The following GRIA1 variants were observed in gnomAD, a reference collection of about 807,000 sequenced individuals.
GRIA1 encodes the protein glutamate receptor 1.
A neutral mutation model predicts 99.2 loss-of-function variants in GRIA1; 31 were observed. That is an observed-to-expected ratio of 0.31 (90% CI 0.23 to 0.42). The LOEUF is 0.42. Ranked by LOEUF, GRIA1 falls within the 10% of genes least tolerant of loss-of-function variation. GRIA1 has a pLI of 1.00. For synonymous variants in GRIA1, 438 were observed against 432.4 expected (o/e 1.01, Z -0.16); for missense variants, 782 against 1,157.5 (o/e 0.68, Z 4.71).
At chr5:153,545,428 T>C (rs1759520097) in intron 2 of GRIA1, among the ~76,000 whole-genome samples, 1 of 152,154 alleles carries the variant, frequency 6.6e-6, no homozygotes. Flanking sequence ...TTTGGGTATC[T>C]TTAAGATGGC....
intron 11 of GRIA1, among the ~76,000 whole-genome samples, chr5:153,759,186 T>C (rs747168353): frequency 6.8e-6 from 1 of 147,412 alleles, no homozygotes. Flanking sequence ...CAGAACAAAC[T>C]AAATCTCAAA....
rs1760462980 is a variant in GRIA1 at position 153,725,637 on chromosome 5, G to T, written c.1823+19570G>T. 2.0e-5 allele frequency among the ~76,000 whole-genome samples: 2 copies of T among 99,858 alleles called. 1 individual carries two copies. Among genetic ancestry groups the T allele is most frequent in the African/African-American group, 8.2e-5 (2 of 24,276 alleles). 65.5% of individuals were successfully genotyped at this position (99,858 alleles called of 152,430 possible). On this transcript the variant is annotated intron_variant, in intron 11 of 15. Transcript: ENST00000285900. ...GACTTTAAACCAACAAAGATCAAAA[G>T]AGACAAGGCCATTACATAATGGTAA...
intron 11 of GRIA1, among the ~76,000 whole-genome samples, chr5:153,737,606 A>C (rs988760518): frequency 6.6e-6 from 1 of 152,190 alleles, no homozygotes; most frequent in African/African-American, 2.4e-5. Context: ...CTGTAAAATA[A>C]TCAGGACGAA....
intron 11 of GRIA1, among the ~76,000 whole-genome samples, chr5:153,709,396 TC>T (rs1364984409): frequency 1.3e-5 from 2 of 152,240 alleles, no homozygotes; most frequent in Non-Finnish European, 2.9e-5. Context: ...TCTGCACTTA[TC>T]CACAAGTAGC....
At chr5:153,639,399 C>T (rs988991826) in intron 2 of GRIA1, among the ~76,000 whole-genome samples, 1 of 152,202 alleles carries the variant, frequency 6.6e-6, no homozygotes, top group Non-Finnish European at 1.5e-5. Context: ...TCCACATGGG[C>T]CTTCTGTTTC....
At chr5:153,661,466 G>C (rs1228226909) in intron 5 of GRIA1, among the ~76,000 whole-genome samples, 1 of 152,134 alleles carries the variant, frequency 6.6e-6, no homozygotes, top group Non-Finnish European at 1.5e-5. Flanking sequence ...ACATCTACCT[G>C]TTTTATGCTG....
intron 2 of GRIA1, among the ~76,000 whole-genome samples, chr5:153,497,602 T>C (rs573941047): frequency 2.0e-5 from 3 of 152,266 alleles, no homozygotes; most frequent in South Asian, 4.1e-4. Context: ...GGGAGCTTGT[T>C]TAAAGCAAGA....
intron 2 of GRIA1, among the ~76,000 whole-genome samples, chr5:153,606,941 T>C (rs1765490079): frequency 9.6e-6 from 1 of 104,342 alleles, no homozygotes; most frequent in Non-Finnish European, 2.0e-5. Flanking sequence ...TACAATACCC[T>C]TGTTCAATTT....
Position 153,811,532 on chromosome 5 carries a change from A to G in GRIA1, c.*307A>G. The G allele has an allele frequency of 5.9e-6, 2 of 337,386 alleles. No homozygotes were observed. The highest frequency in any genetic ancestry group is 1.1e-5 in the Non-Finnish European group (2 of 176,630). The allele number at this position is 337,386 out of a possible 1,614,324, so 20.9% of individuals were successfully genotyped here. A position where few individuals can be genotyped will look rare whatever the true frequency, so the allele number is the denominator to read the frequency against. On this transcript the variant is annotated 3_prime_UTR_variant, in exon 16 of 16. Coordinates refer to ENST00000285900, the MANE Select transcript of GRIA1 (RefSeq NM_000827.4). The stretch of plus-strand genomic sequence containing the variant: ...TGTCTCTGAGAGTAGAGTCACTGGA[A>G]CACTAATGAGGAAACTGCACTGTTT...
intron 2 of GRIA1, among the ~76,000 whole-genome samples, chr5:153,594,733 C>T (rs906519284): frequency 1.1e-4 from 16 of 152,102 alleles, no homozygotes; most frequent in African/African-American, 3.9e-4. Flanking sequence ...GTGTCCTCTC[C>T]CTTATTCTCA....
chr5:153,741,025 G>A (rs1414501599), intron 11 of GRIA1, among the ~76,000 whole-genome samples: 2 of 136,894 alleles, frequency 1.5e-5, no homozygotes, highest in African/African-American at 5.5e-5. Flanking sequence ...CGCCCAGGCT[G>A]GAGTGCAGTG....
At chr5:153,692,159 C>T (rs563854244) in intron 8 of GRIA1, among the ~76,000 whole-genome samples, 4 of 152,318 alleles carry the variant, frequency 2.6e-5, no homozygotes, top group African/African-American at 9.6e-5. Context: ...CCTTGTCATT[C>T]AGGTCTCAGT....
chr5:153,754,006 T>A (rs1762660862), intron 11 of GRIA1, among the ~76,000 whole-genome samples: 1 of 152,162 alleles, frequency 6.6e-6, no homozygotes, highest in Admixed American at 6.5e-5. Flanking sequence ...GTTTTGAAAG[T>A]GTTGGTTTCT....
At chr5:153,691,007 T>C (rs1368435322) in intron 8 of GRIA1, among the ~76,000 whole-genome samples, 1 of 152,204 alleles carries the variant, frequency 6.6e-6, no homozygotes, top group Non-Finnish European at 1.5e-5. Context: ...TCTTCCAGAT[T>C]TGGAGCCTCA....
chr5:153,641,329 G>C (rs1581386243), intron 2 of GRIA1, among the ~76,000 whole-genome samples: 1 of 152,134 alleles, frequency 6.6e-6, no homozygotes, highest in African/African-American at 2.4e-5. Flanking sequence ...TCCCTCCCTG[G>C]GAGACAGCTG....
At chr5:153,747,719 C>T (rs1468138900) in intron 11 of GRIA1, among the ~76,000 whole-genome samples, 1 of 152,212 alleles carries the variant, frequency 6.6e-6, no homozygotes, top group Non-Finnish European at 1.5e-5. Flanking sequence ...CCAGCCTGCC[C>T]TGCAGAGCCC....
intron 11 of GRIA1, among the ~76,000 whole-genome samples, chr5:153,720,427 G>A (rs1172085814): frequency 1.3e-5 from 2 of 152,124 alleles, no homozygotes; most frequent in Non-Finnish European, 2.9e-5. Context: ...CAAGAGATCT[G>A]AACACTAAAA....
At chr5:153,634,090 G>T (rs913270267) in intron 2 of GRIA1, among the ~76,000 whole-genome samples, 3 of 152,238 alleles carry the variant, frequency 2.0e-5, no homozygotes, top group Non-Finnish European at 2.9e-5. Context: ...GCCGAGGCGG[G>T]TGGATCACAA....
intron 2 of GRIA1, among the ~76,000 whole-genome samples, chr5:153,585,441 T>G (rs970300117): frequency 4.6e-5 from 7 of 151,362 alleles, no homozygotes; most frequent in Admixed American, 2.6e-4. Flanking sequence ...CCCAAGTAGC[T>G]GGGACTACAG....
Sources: gnomAD v4.1 joint callset for allele counts (sites outside exome capture counted in the v4.1 genomes callset) on GRCh38, gnomAD v4.1.1 for gene constraint, MANE v1.5 for transcripts, NCBI Gene and HGNC (gene_info 2026-07-23, HGNC 2026-07-21) for gene names.